GPAM: variants seen among roughly 807,000 people sequenced by gnomAD.
GPAM encodes glycerol-3-phosphate acyltransferase, mitochondrial, also known as glycerol-3-phosphate acyltransferase 1, mitochondrial.
In GPAM, 56 loss-of-function variants were observed where a neutral mutation model predicts 105.0. That is an observed-to-expected ratio of 0.53 (90% CI 0.43 to 0.67). The LOEUF is 0.67. Among genes scored for constraint, GPAM ranks in the 30% least tolerant of loss-of-function variants. GPAM has a pLI of 0.00. For missense variants in GPAM, 855 were observed against 989.8 expected (o/e 0.86, Z 1.83); for synonymous variants, 368 against 354.4 (o/e 1.04, Z -0.43).
chr10:112,218,699 G>T (rs2419606), upstream of GPAM, among the ~76,000 whole-genome samples: 32,117 of 152,144 alleles, frequency 0.21, 3,971 homozygotes, highest in East Asian at 0.34. Context: ...TTGATTATAT[G>T]CTAAACAAGG....
At chr10:112,163,033 G>T (rs377288176) in intron 14 of GPAM, among the ~76,000 whole-genome samples, 3 of 152,130 alleles carry the variant, frequency 2.0e-5, no homozygotes, top group African/African-American at 7.2e-5. Flanking sequence ...CCAGAGAGCA[G>T]CAAGAAAGAA....
chr10:112,203,122 G>A (rs1456664788), intron 1 of GPAM, among the ~76,000 whole-genome samples: 2 of 152,142 alleles, frequency 1.3e-5, no homozygotes, highest in African/African-American at 2.4e-5. Flanking sequence ...GCAGAGGGGA[G>A]GGAGAGAGAA....
intron 5 of GPAM, among the ~76,000 whole-genome samples, chr10:112,176,767 T>C (rs1036074136): frequency 6.6e-6 from 1 of 152,232 alleles, no homozygotes; most frequent in Non-Finnish European, 1.5e-5. Context: ...CACATGTGCA[T>C]GAGTGTGACA....
intron 2 of GPAM, 113 bp downstream of exon 2, chr10:112,182,681 A>G (rs1369491042): frequency 6.6e-6 from 1 of 152,206 alleles, no homozygotes; most frequent in East Asian, 1.9e-4. Flanking sequence ...TACAATCCCC[A>G]CATGGGTTGG....
chr10:112,175,795 A>G, intron 5 of GPAM, 82 bp from the exon 6 acceptor site: 2 of 838,450 alleles, frequency 2.4e-6, no homozygotes, highest in Non-Finnish European at 4.1e-6. Flanking sequence ...TTCCGCCCAT[A>G]AAAACAAAGC....
rs762003685 is a variant in GPAM, at chr10:112,156,071, G to A, written c.2122-18C>T. ...TGGCTCACCTGAGTGTGCAAAAGCA[G>A]GAGATGAAGTCATGAGGAAGGGACA... On this transcript the variant is annotated intron_variant, in intron 19 of 21. Transcript: ENST00000348367. 11 of 1,586,596 alleles carry A rather than the reference G, an allele frequency of 6.9e-6. No individual in the cohort carries two copies. The highest frequency in any genetic ancestry group is 3.4e-4 in the Middle Eastern group (2 of 5,914).
At chr10:112,155,042 T>G in intron 20 of GPAM, 1 of 336,932 alleles carries the variant, frequency 3.0e-6, no homozygotes, top group Non-Finnish European at 5.7e-6. Context: ...AAATATTCTT[T>G]AAGCTACCCA....
the GPAM span, among the ~76,000 whole-genome samples, chr10:112,226,798 T>C: frequency 1.3e-5 from 2 of 151,924 alleles, no homozygotes; most frequent in Non-Finnish European, 2.9e-5. Flanking sequence ...AAGCAAGGAG[T>C]CAGCAAGTCT....
chr10:112,155,650 T>C, intron 20 of GPAM: 1 of 476,466 alleles, frequency 2.1e-6, no homozygotes, highest in Non-Finnish European at 3.8e-6. Context: ...CATGTATGAA[T>C]CTCAAAAATA....
Position 112,152,342 on chromosome 10 carries a change from T to A in GPAM, c.*1208A>T. ...GCACCTACCAATTATGAACAGACCA[T>A]TTTTCATAATTATTTACCACTATGT... On this transcript the variant is annotated 3_prime_UTR_variant, in exon 22 of 22. Transcript: ENST00000348367. 2.0e-6 allele frequency: 2 copies of A among 984,394 alleles called. No individual in the cohort carries two copies. The highest frequency in any genetic ancestry group is 2.4e-6 in the Non-Finnish European group (2 of 828,966). 61.0% of individuals were successfully genotyped at this position (984,394 alleles called of 1,614,324 possible). A position where few individuals can be genotyped will look rare whatever the true frequency, so the allele number is the denominator to read the frequency against.
chr10:112,207,215 C>T (rs1055239250), intron 1 of GPAM, among the ~76,000 whole-genome samples: 1 of 152,170 alleles, frequency 6.6e-6, no homozygotes, highest in Non-Finnish European at 1.5e-5. Context: ...CACTGCTAAA[C>T]TTCCTATGAT....
chr10:112,206,698 T>C (rs574098668), intron 1 of GPAM, among the ~76,000 whole-genome samples: 57 of 146,714 alleles, frequency 3.9e-4, no homozygotes, highest in African/African-American at 9.5e-4. Flanking sequence ...AGGGATAGCA[T>C]TGGGAGATAT....
At chr10:112,175,432 T>C (rs1350670945) in intron 6 of GPAM, among the ~76,000 whole-genome samples, 168 bp downstream of exon 6, 1 of 152,202 alleles carries the variant, frequency 6.6e-6, no homozygotes, top group Non-Finnish European at 1.5e-5. Context: ...CCTGTTCTCC[T>C]GCCTTTCTTT....
rs764323135 is a variant in GPAM, at chr10:112,155,952, G to A, written c.2223C>T (p.Asn741=). The A allele has an allele frequency of 3.7e-6, 6 of 1,611,682 alleles. No individual in the cohort carries two copies. In the East Asian group the frequency reaches 8.9e-5, roughly 24 times the overall value. ...CAGGTTCTGGAACAGGACCACTGAA[G>A]TTGTGAACAAAGATGGCAGCAGAGC... is the stretch of plus-strand genomic sequence containing the variant. ...AYSSAAIFVH[N]FSGPVPEPEY... is the part of the protein sequence containing the mutation. The change falls in exon 20 of 22, where the codon AAC becomes AAT. Residue 741 remains asparagine, a synonymous_variant. Coordinates refer to ENST00000348367, the MANE Select transcript of GPAM (RefSeq NM_001244949.2).
At chr10:112,211,979 A>G (rs1847915812) in intron 1 of GPAM, among the ~76,000 whole-genome samples, 1 of 152,184 alleles carries the variant, frequency 6.6e-6, no homozygotes, top group Non-Finnish European at 1.5e-5. Context: ...CTCCAAGACC[A>G]TTCCCTGAGA....
At position 112,163,835 on chromosome 10, in the gene GPAM, A is replaced by C. The variant is rs1847168144; in HGVS notation, c.1308-19T>G. The C allele has an allele frequency of 8.4e-7, 1 of 1,191,340 alleles. No individual in the cohort carries two copies. Among genetic ancestry groups the C allele is most frequent in the South Asian group, 1.2e-5 (1 of 82,586 alleles). 73.8% of individuals were successfully genotyped at this position (1,191,340 alleles called of 1,614,324 possible). Reference sequence around the variant, plus strand: ...ACTGGGTCTAAAAAGTGTTTCAAAAATCAACACACAACCGCACTCTTTTAC... The same window carrying C: ...ACTGGGTCTAAAAAGTGTTTCAAAACTCAACACACAACCGCACTCTTTTAC... On this transcript the variant is annotated intron_variant, in intron 13 of 21. Coordinates refer to ENST00000348367, the MANE Select transcript of GPAM (RefSeq NM_001244949.2).
intron 1 of GPAM, among the ~76,000 whole-genome samples, chr10:112,214,577 T>C (rs1847948094): frequency 6.6e-6 from 1 of 152,042 alleles, no homozygotes; most frequent in Admixed American, 6.6e-5. Context: ...CAACCCTGAG[T>C]AGGGAATACA....
chr10:112,165,583 A>T (rs1194408790), intron 12 of GPAM, among the ~76,000 whole-genome samples: 1 of 152,080 alleles, frequency 6.6e-6, no homozygotes, highest in African/African-American at 2.4e-5. Flanking sequence ...CCAGCTACTT[A>T]GGAGGCTGAC....
At position 112,150,493 on chromosome 10, in the gene GPAM, C is replaced by T. The variant is rs1172179083; in HGVS notation, c.*3057G>A. 5.1e-6 allele frequency: 5 copies of T among 985,274 alleles called. No homozygotes were observed. The highest frequency in any genetic ancestry group is 1.1e-4 in the East Asian group (1 of 8,826). 61.0% of individuals were successfully genotyped at this position (985,274 alleles called of 1,614,324 possible). On this transcript the variant is annotated 3_prime_UTR_variant, in exon 22 of 22. Transcript: ENST00000348367. ...CACATCTATTCAACGCCACACTGGA[C>T]GTTACAAAATGCATGCATATTCTGC...
Sources: allele counts gnomAD v4.1 joint callset (sites outside exome capture counted in the v4.1 genomes callset), GRCh38; gene constraint gnomAD v4.1.1; transcripts MANE v1.5; gene names NCBI Gene and HGNC (gene_info 2026-07-23, HGNC 2026-07-21).